Variants in RGS7 observed in about 807,000 individuals in gnomAD.
The protein encoded by RGS7 is regulator of G-protein signaling 7.
A neutral mutation model predicts 81.1 loss-of-function variants in RGS7; 27 were observed. The ratio of observed to expected loss-of-function variants is 0.33; its 90% CI spans 0.25 to 0.46. The LOEUF (loss-of-function observed/expected upper bound fraction) is 0.46. RGS7 is among the 20% of genes least tolerant of loss of function. The probability of loss-of-function intolerance (pLI) is 1.00; values close to 1 mark genes in which losing one functional copy is unlikely to be tolerated. For missense variants in RGS7, 396 were observed against 607.4 expected (o/e 0.65, Z 3.66); for synonymous variants, 208 against 207.7 (o/e 1.00, Z -0.01).
chr1:241,328,845 A>G (rs1200147940), intron 2 of RGS7, among the ~76,000 whole-genome samples: 1 of 152,240 alleles, frequency 6.6e-6, no homozygotes, highest in Non-Finnish European at 1.5e-5. Flanking sequence ...CATTTCATTT[A>G]TGAAAATACT....
At chr1:241,156,582 G>A (rs1194590250) in intron 2 of RGS7, among the ~76,000 whole-genome samples, 4 of 144,322 alleles carry the variant, frequency 2.8e-5, no homozygotes, top group Admixed American at 6.9e-5. Context: ...AAGGGGAGAG[G>A]AGGGGAGGGG....
intron 2 of RGS7, among the ~76,000 whole-genome samples, chr1:241,179,514 A>G (rs1201008166): frequency 2.6e-5 from 4 of 152,234 alleles, no homozygotes; most frequent in Non-Finnish European, 5.9e-5. Flanking sequence ...TCTCACAGGC[A>G]GAACATCTCC....
At chr1:241,178,142 A>T (rs1273420752) in intron 2 of RGS7, among the ~76,000 whole-genome samples, 1 of 152,058 alleles carries the variant, frequency 6.6e-6, no homozygotes, top group Non-Finnish European at 1.5e-5. Flanking sequence ...TAGAAAAAAA[A>T]TTAGTTGGGT....
intron 2 of RGS7, among the ~76,000 whole-genome samples, chr1:241,318,396 A>G (rs1036458551): frequency 4.6e-5 from 7 of 152,094 alleles, no homozygotes; most frequent in Non-Finnish European, 1.0e-4. Flanking sequence ...AAAGTATTCT[A>G]TGTGCATATA....
chr1:241,233,325 T>G (rs977607276), intron 2 of RGS7, among the ~76,000 whole-genome samples: 1 of 152,136 alleles, frequency 6.6e-6, no homozygotes, highest in African/African-American at 2.4e-5. Context: ...ACACCAGGTG[T>G]TATGTCTTCT....
chr1:241,325,969 C>T lies in RGS7; in HGVS notation c.78+29730G>A, dbSNP rs141211831. 2.2e-3 allele frequency among the ~76,000 whole-genome samples: 339 copies of T among 152,236 alleles called. 1 individual carries two copies. Among genetic ancestry groups the T allele is most frequent in the African/African-American group, 7.9e-3 (329 of 41,542 alleles). On this transcript the variant is annotated intron_variant, in intron 2 of 18. Transcript: ENST00000440928. Reference sequence around the variant, plus strand: ...TCTGCTCTCTACTCAAGAGGCTACCCTGTTAAATAAACTAAAATACAGAGT... The same window carrying T: ...TCTGCTCTCTACTCAAGAGGCTACCTTGTTAAATAAACTAAAATACAGAGT...
At chr1:240,910,052 A>T (rs985874136) in intron 6 of RGS7, among the ~76,000 whole-genome samples, 3 of 151,830 alleles carry the variant, frequency 2.0e-5, no homozygotes, top group Non-Finnish European at 4.4e-5. Context: ...GAAAGTTCTG[A>T]TATTTGCTTT....
rs114847128 is a variant in RGS7 at position 241,035,884 on chromosome 1, C to T, written c.176-52755G>A. On this transcript the variant is annotated intron_variant, in intron 3 of 18. Coordinates refer to ENST00000440928, the MANE Select transcript of RGS7 (RefSeq NM_001364886.1). The stretch of plus-strand genomic sequence containing the variant: ...TATTTTCTCTGGATATGCCCCACTT[C>T]GTTGAATTATCTTCCCTTCAATGAA... 4.3e-4 allele frequency among the ~76,000 whole-genome samples: 66 copies of T among 152,270 alleles called. 1 individual carries two copies. The Middle Eastern group carries it at 0.01, about 24-fold the overall frequency.
intron 2 of RGS7, among the ~76,000 whole-genome samples, chr1:241,314,664 T>C (rs1395544293): frequency 1.3e-5 from 2 of 152,156 alleles, no homozygotes; most frequent in Non-Finnish European, 2.9e-5. Context: ...TGAACAAAAG[T>C]AGAGCGCAGT....
rs1673222260 is a variant in RGS7 at position 240,919,902 on chromosome 1, G to C, written c.385+10815C>G. 5 of 1,109,862 alleles carry C rather than the reference G, an allele frequency of 4.5e-6. No individual in the cohort carries two copies. In the East Asian group the frequency reaches 7.0e-5, roughly 16 times the overall value. 68.8% of individuals were successfully genotyped at this position (1,109,862 alleles called of 1,614,324 possible). ...ACACAAGGTGGATGGGAGAGTTGTG[G>C]AACCAAAGAGAGCTGTCTCAAGAGA... On this transcript the variant is annotated intron_variant, in intron 6 of 18. Transcript: ENST00000440928.
intron 2 of RGS7, among the ~76,000 whole-genome samples, chr1:241,190,829 T>C (rs934622231): frequency 2.0e-5 from 3 of 152,168 alleles, no homozygotes; most frequent in Non-Finnish European, 4.4e-5. Context: ...GCATTAGCAA[T>C]ACCTTCCAGC....
chr1:240,820,220 G>T (rs1691523171), intron 10 of RGS7, among the ~76,000 whole-genome samples: 2 of 152,170 alleles, frequency 1.3e-5, no homozygotes, highest in South Asian at 4.1e-4. Flanking sequence ...TTTGCAGCTG[G>T]GGAAAATCAA....
chr1:241,163,197 C>T lies in RGS7; in HGVS notation c.79-64435G>A, dbSNP rs10157816. On this transcript the variant is annotated intron_variant, in intron 2 of 18. Transcript: ENST00000440928. This position sits in a 1 kb window ranked among gnomAD's most constrained non-coding sequence, Gnocchi z 4.6. ...CCAGGAAACGGGGCCTGAAGCAAGA[C>T]TTGGCAGTGACCTCCTAACTTTATC... 0.052 allele frequency among the ~76,000 whole-genome samples: 7,983 copies of T among 152,226 alleles called. 662 individuals are homozygous for T. Among genetic ancestry groups the T allele is most frequent in the African/African-American group, 0.18 (7,556 of 41,510 alleles).
At chr1:240,875,076 T>G (rs1012839484) in intron 6 of RGS7, among the ~76,000 whole-genome samples, 1 of 151,830 alleles carries the variant, frequency 6.6e-6, no homozygotes, top group Non-Finnish European at 1.5e-5. Context: ...AACAAAAAAC[T>G]ACTCTCTTGG....
At chr1:241,068,238 G>GTGTGTATATATA in intron 3 of RGS7, among the ~76,000 whole-genome samples, 5 of 35,676 alleles carry the variant, frequency 1.4e-4, no homozygotes, top group African/African-American at 4.8e-4. Context: ...GTGTGTGTGT[G>GTGTGTATATATA]TATATATATA....
intron 4 of RGS7, among the ~76,000 whole-genome samples, chr1:240,938,709 G>C (rs968183482): frequency 6.6e-6 from 1 of 151,980 alleles, no homozygotes; most frequent in African/African-American, 2.4e-5. Flanking sequence ...CCCTGGCTTT[G>C]GAAGACTGTT....
At chr1:240,932,900 T>C (rs1294494756) in intron 5 of RGS7, among the ~76,000 whole-genome samples, 1 of 133,888 alleles carries the variant, frequency 7.5e-6, no homozygotes, top group East Asian at 2.1e-4. Context: ...TTTTTTTTTT[T>C]TGAGACAGAG....
intron 2 of RGS7, among the ~76,000 whole-genome samples, chr1:241,297,332 CT>C (rs1307471192): frequency 1.3e-5 from 2 of 152,122 alleles, no homozygotes; most frequent in African/African-American, 4.8e-5. Flanking sequence ...GGTGAGTAGA[CT>C]GAATATGAAG....
intron 2 of RGS7, among the ~76,000 whole-genome samples, chr1:241,306,821 A>G (rs1447636281): frequency 6.6e-6 from 1 of 152,120 alleles, no homozygotes. Context: ...GCACACACAT[A>G]CACACATCTA....
Sources: allele counts gnomAD v4.1 joint callset (sites outside exome capture counted in the v4.1 genomes callset), GRCh38; gene constraint gnomAD v4.1.1; non-coding constraint Gnocchi (gnomAD v3.1); transcripts MANE v1.5; gene names NCBI Gene and HGNC (gene_info 2026-07-23, HGNC 2026-07-21).